The following MYBL2 variants were observed in gnomAD, a reference collection of about 807,000 sequenced individuals.
MYBL2 encodes the protein MYB proto-oncogene like 2, also known as myb-related protein B.
Under a neutral mutation model 79.9 loss-of-function variants are expected in MYBL2, and 28 were observed. The observed-to-expected ratio is 0.35, with a 90% CI of 0.26 to 0.48. MYBL2 has a LOEUF of 0.48. Ranked by LOEUF, MYBL2 falls within the 20% of genes least tolerant of loss-of-function variation. MYBL2 has a pLI of 0.99. For missense variants in MYBL2, 735 were observed against 893.9 expected, an observed-to-expected ratio of 0.82 and a Z score of 2.27; for synonymous variants, 378 against 361.2, an observed-to-expected ratio of 1.05 and a Z score of -0.53.
intron 2 of MYBL2, among the ~76,000 whole-genome samples, chr20:43,674,576 G>A (rs932074908): frequency 2.0e-5 from 3 of 150,570 alleles, no homozygotes; most frequent in Non-Finnish European, 4.4e-5. Context: ...TGTATTTTTA[G>A]TAGATACGGG....
At chr20:43,700,100 TTCTC>T (rs1433984292) in intron 7 of MYBL2, 56 bp downstream of exon 7, 17 of 1,577,478 alleles carry the variant, frequency 1.1e-5, no homozygotes, top group African/African-American at 2.7e-5. Flanking sequence ...CAGGAAGTGC[TTCTC>T]TCTCAGGCCC....
intron 5 of MYBL2, among the ~76,000 whole-genome samples, chr20:43,691,835 C>T (rs1167355764): frequency 6.6e-6 from 1 of 151,458 alleles, no homozygotes; most frequent in Non-Finnish European, 1.5e-5. Flanking sequence ...AGCCACCGCA[C>T]TCGGCAATTT....
intron 1 of MYBL2, among the ~76,000 whole-genome samples, chr20:43,668,194 CTTTTTT>C (rs3091539): frequency 2.5e-5 from 2 of 80,622 alleles, no homozygotes; most frequent in African/African-American, 4.7e-5. Context: ...TTCGTTCCCT[CTTTTTT>C]TTTTTTTTTT....
At chr20:43,685,766 G>A (rs1003727337) in intron 4 of MYBL2, among the ~76,000 whole-genome samples, 5 of 150,866 alleles carry the variant, frequency 3.3e-5, no homozygotes, top group African/African-American at 1.2e-4. Context: ...AAAAAATGGC[G>A]GTGGCTCACG....
rs185596678 is a variant in MYBL2, at chr20:43,694,343, A to G, written c.663+2024A>G. 9.0e-3 allele frequency among the ~76,000 whole-genome samples: 1,363 copies of G among 151,444 alleles called. 9 individuals carry two copies. Among genetic ancestry groups the G allele is most frequent in the Middle Eastern group, 0.037 (11 of 294 alleles). On this transcript the variant is annotated intron_variant, in intron 6 of 13. Transcript: ENST00000217026. The stretch of plus-strand genomic sequence containing the variant: ...TGAGACTCTGTCACAAAAAAATAAA[A>G]CTAAAGAAAATTAAATAAATAAATA...
chr20:43,668,455 C>T (rs1986777176), intron 1 of MYBL2, among the ~76,000 whole-genome samples: 1 of 152,116 alleles, frequency 6.6e-6, no homozygotes. Context: ...CCGACTCGGC[C>T]TCCCAAAGTG....
intron 1 of MYBL2, among the ~76,000 whole-genome samples, chr20:43,669,963 G>T (rs1466095100): frequency 1.3e-5 from 2 of 152,182 alleles, no homozygotes; most frequent in Non-Finnish European, 2.9e-5. Flanking sequence ...AATTAGCCGG[G>T]CGTGGTGGTA....
At chr20:43,715,081 CCT>C in intron 12 of MYBL2, 51 bp from the exon 13 acceptor site, 1 of 1,599,964 alleles carries the variant, frequency 6.3e-7, no homozygotes, top group Non-Finnish European at 8.5e-7. Context: ...TTTTTTCTTC[CCT>C]CTCACAGCTT....
chr20:43,681,683 G>A, intron 2 of MYBL2, 101 bp from the exon 3 acceptor site: 1 of 1,202,696 alleles, frequency 8.3e-7, no homozygotes. Flanking sequence ...ATGACGGAAT[G>A]GATGAACGAG....
rs764807508 is a variant in MYBL2 at position 43,682,817 on chromosome 20, G to T, written c.210G>T (p.Gln70His). 1.9e-6 allele frequency: 3 copies of T among 1,613,994 alleles called. No individual in the cohort carries two copies. The highest frequency in any genetic ancestry group is 2.5e-6 in the Non-Finnish European group (3 of 1,179,954). ...AGAACCGCACTGACCAGCAATGCCAGTACAGGTGGCTGAGAGTTTTGAATC... is the reference window on the plus strand; with the variant it reads ...AGAACCGCACTGACCAGCAATGCCATTACAGGTGGCTGAGAGTTTTGAATC... ...HFPNRTDQQC[Q>H]YRWLRVLNPD... The change falls in exon 4 of 14, where the codon CAG becomes CAT. Residue 70 changes from glutamine (Q) to histidine (H), a missense_variant. Coordinates refer to ENST00000217026, the MANE Select transcript of MYBL2 (RefSeq NM_002466.4).
chr20:43,709,735 T>C (rs1340201659), intron 9 of MYBL2, among the ~76,000 whole-genome samples: 1 of 152,194 alleles, frequency 6.6e-6, no homozygotes, highest in Non-Finnish European at 1.5e-5. Context: ...CTGAGCAGCA[T>C]TCTCGGCTAT....
chr20:43,698,080 T>TTTTTTTTTTTTTTTTG (rs149530290), intron 6 of MYBL2, among the ~76,000 whole-genome samples: 5 of 122,522 alleles, frequency 4.1e-5, no homozygotes, highest in African/African-American at 1.5e-4. Context: ...TTTTTTTTTT[T>TTTTTTTTTTTTTTTTG]ATCTTGTTAC....
chr20:43,676,370 A>T (rs1307127157), intron 2 of MYBL2, among the ~76,000 whole-genome samples: 1 of 151,016 alleles, frequency 6.6e-6, no homozygotes, highest in Non-Finnish European at 1.5e-5. Flanking sequence ...AATATGCGGT[A>T]TTTGGTTTTC....
At chr20:43,676,062 G>A (rs565639344) in intron 2 of MYBL2, among the ~76,000 whole-genome samples, 3 of 151,834 alleles carry the variant, frequency 2.0e-5, no homozygotes, top group South Asian at 2.1e-4. Flanking sequence ...GTGCCACCAC[G>A]CCTGGTAAAT....
chr20:43,677,178 G>C (rs535371983), intron 2 of MYBL2, among the ~76,000 whole-genome samples: 4 of 152,286 alleles, frequency 2.6e-5, no homozygotes, highest in Middle Eastern at 3.4e-3. Context: ...TTTGGCTCTT[G>C]TGGGCTTAGA....
intron 5 of MYBL2, 39 bp from the exon 6 acceptor site, chr20:43,692,118 C>G: frequency 2.5e-6 from 4 of 1,596,960 alleles, no homozygotes; most frequent in Non-Finnish European, 3.4e-6. Context: ...ACCCCACCCA[C>G]AGAGCTGGGG....
At position 43,673,951 on chromosome 20, in the gene MYBL2, G is replaced by A. The variant is rs117113031; in HGVS notation, c.114+52G>A. 6.7e-5 allele frequency: 98 copies of A among 1,461,840 alleles called. No individual in the cohort carries two copies. In the East Asian group the frequency reaches 2.3e-3, roughly 34 times the overall value. 90.6% of individuals were successfully genotyped at this position (1,461,840 alleles called of 1,614,324 possible). On this transcript the variant is annotated intron_variant, in intron 2 of 13. Transcript: ENST00000217026. ...GATGGCAGCTGGGGGCTGTCCAGAG[G>A]AACTGAGCCTGGAGTGTATTTGATG...
At chr20:43,698,061 C>CT (rs11475916) in intron 6 of MYBL2, among the ~76,000 whole-genome samples, 132 of 112,392 alleles carry the variant, frequency 1.2e-3, no homozygotes, top group Middle Eastern at 5.2e-3. Context: ...GCTTGGTTGT[C>CT]TTTTTTTTTT....
In MYBL2 at chr20:43,716,307, A is replaced by G; in HGVS notation, c.*220A>G. 2 of 634,930 alleles carry G rather than the reference A, an allele frequency of 3.1e-6. No individual in the cohort carries two copies. Among genetic ancestry groups the G allele is most frequent in the South Asian group, 2.3e-5 (1 of 43,680 alleles). 39.3% of individuals were successfully genotyped at this position (634,930 alleles called of 1,614,324 possible). The stretch of plus-strand genomic sequence containing the variant: ...GTGCTAACAACAAAGTTCCACTTCC[A>G]GGTCTGCCTGGTTCCCTCCCCAAGG... On this transcript the variant is annotated 3_prime_UTR_variant, in exon 14 of 14. Coordinates refer to ENST00000217026, the MANE Select transcript of MYBL2 (RefSeq NM_002466.4).
Sources: gnomAD v4.1 joint callset for allele counts (sites outside exome capture counted in the v4.1 genomes callset) on GRCh38, gnomAD v4.1.1 for gene constraint, MANE v1.5 for transcripts, NCBI Gene and HGNC (gene_info 2026-07-23, HGNC 2026-07-21) for gene names.